DMD: variants seen among roughly 807,000 people sequenced by gnomAD.
DMD encodes mutant dystrophin.
In DMD, 63 loss-of-function variants were observed where a neutral mutation model predicts 330.1. The observed-to-expected ratio is 0.19, with a 90% CI of 0.16 to 0.24. The LOEUF is 0.24. DMD is among the 10% of genes least tolerant of loss of function. DMD has a pLI of 1.00. For missense variants in DMD, 3,344 were observed against 2,684.1 expected (o/e 1.25, Z -5.43); for synonymous variants, 1,223 against 959.8 (o/e 1.27, Z -5.07).
intron 61 of DMD, among the ~76,000 whole-genome samples, chrX:31,341,500 T>C (rs1258681391): frequency 1.8e-5 from 2 of 112,259 alleles, no homozygotes; most frequent in African/African-American, 6.5e-5. Flanking sequence ...CGATACCATT[T>C]TGATAAGGCA....
chrX:31,802,497 T>A (rs1175071534), intron 50 of DMD, among the ~76,000 whole-genome samples: 1 of 111,501 alleles, frequency 9.0e-6, no homozygotes, highest in Non-Finnish European at 1.9e-5. Context: ...TACAGGGGTA[T>A]GCAGGATAAA....
intron 51 of DMD, among the ~76,000 whole-genome samples, chrX:31,752,525 C>G (rs1476225241): frequency 9.0e-6 from 1 of 110,804 alleles, no homozygotes; most frequent in Non-Finnish European, 1.9e-5. Context: ...CTCTTTCACC[C>G]TGTAACCAAA....
chrX:33,171,487 T>C (rs913815106), intron 1 of DMD, among the ~76,000 whole-genome samples: 1 of 111,512 alleles, frequency 9.0e-6, no homozygotes, highest in Non-Finnish European at 1.9e-5. Flanking sequence ...CTATTTCTTT[T>C]ACAGTTTTTT....
chrX:33,065,667 G>A (rs189997561), intron 1 of DMD, among the ~76,000 whole-genome samples: 1 of 112,277 alleles, frequency 8.9e-6, no homozygotes, highest in East Asian at 2.8e-4. Flanking sequence ...AGCAAATGCT[G>A]GAAGCCCATT....
chrX:33,111,590 C>A (rs1271327825), intron 1 of DMD, among the ~76,000 whole-genome samples: 1 of 111,608 alleles, frequency 9.0e-6, no homozygotes, highest in African/African-American at 3.2e-5. Flanking sequence ...CATAATTTCT[C>A]TTAATGTGCG....
chrX:32,125,422 T>TATC (rs1202082379), intron 44 of DMD, among the ~76,000 whole-genome samples: 1 of 111,629 alleles, frequency 9.0e-6, no homozygotes, highest in African/African-American at 3.3e-5. Context: ...CCTGGATGTG[T>TATC]ATCGGGTTTG....
intron 17 of DMD, among the ~76,000 whole-genome samples, chrX:32,539,100 C>T (rs2048256711): frequency 9.1e-6 from 1 of 110,390 alleles, no homozygotes; most frequent in Admixed American, 9.7e-5. Flanking sequence ...CATAAGACAA[C>T]ATAATCTCAA....
chrX:31,593,819 ATAT>A (rs942078388), intron 55 of DMD, among the ~76,000 whole-genome samples: 12 of 110,809 alleles, frequency 1.1e-4, no homozygotes, highest in African/African-American at 3.9e-4. Context: ...TATATAATGA[ATAT>A]TATTGTAAAG....
chrX:31,128,421 A>G (rs947738531), intron 77 of DMD, among the ~76,000 whole-genome samples: 1 of 111,874 alleles, frequency 8.9e-6, no homozygotes, highest in Middle Eastern at 4.2e-3. Context: ...TCACTGGCAC[A>G]CTTTAGTTTG....
chrX:31,380,968 G>C (rs1437940491), intron 60 of DMD, among the ~76,000 whole-genome samples: 2 of 110,946 alleles, frequency 1.8e-5, no homozygotes, highest in Non-Finnish European at 3.8e-5. Flanking sequence ...TGCTCTCCCT[G>C]CTGATCATGT....
At chrX:33,001,900 A>G (rs967072535) in intron 2 of DMD, among the ~76,000 whole-genome samples, 5 of 111,142 alleles carry the variant, frequency 4.5e-5, no homozygotes, top group African/African-American at 1.6e-4. Flanking sequence ...CTCTTTTAAA[A>G]TCTCTACTTT....
chrX:32,395,256 C>T (rs1370085273), intron 30 of DMD, among the ~76,000 whole-genome samples: 1 of 111,767 alleles, frequency 8.9e-6, no homozygotes, highest in Non-Finnish European at 1.9e-5. Flanking sequence ...TTCAACAAAT[C>T]GTTCAGCTTC....
At chrX:31,220,771 A>C (rs984766314) in intron 64 of DMD, among the ~76,000 whole-genome samples, 3 of 110,265 alleles carry the variant, frequency 2.7e-5, no homozygotes, top group Non-Finnish European at 5.7e-5. Context: ...CAAGCACCTA[A>C]GTGTCTTCCT....
At chrX:32,552,405 C>T (rs1387173778) in intron 16 of DMD, among the ~76,000 whole-genome samples, 2 of 111,594 alleles carry the variant, frequency 1.8e-5, no homozygotes, top group African/African-American at 3.3e-5. Context: ...TTCCTTACAC[C>T]ATATACAAAA....
chrX:31,735,970 C>T (rs898608475), intron 51 of DMD, among the ~76,000 whole-genome samples: 6 of 111,759 alleles, frequency 5.4e-5, no homozygotes, highest in Non-Finnish European at 1.1e-4. Flanking sequence ...TACTTGGTTT[C>T]ATGCTCTACT....
chrX:31,614,852 G>A (rs2078112724), intron 55 of DMD, among the ~76,000 whole-genome samples: 1 of 112,080 alleles, frequency 8.9e-6, no homozygotes. Flanking sequence ...AAAATCACAT[G>A]CTGATAACCT....
rs956810848 is a variant in DMD at position 31,245,330 on chromosome X, T to G, written c.9286+15625A>C. ...CCTCATCTGTATCTTTCCATCTTCT[T>G]GAGTGGTATTTGTTTTCCTCCCGAG... On this transcript the variant is annotated intron_variant, in intron 63 of 78. Coordinates refer to ENST00000357033, the MANE Select transcript of DMD (RefSeq NM_004006.3). Among the ~76,000 whole-genome samples the G allele has an allele frequency of 6.8e-4, 76 of 111,996 alleles. 1 individual carries two copies. Among genetic ancestry groups the G allele is most frequent in the African/African-American group, 2.4e-3 (74 of 30,884 alleles).
At chrX:32,304,592 A>C (rs1462659916) in intron 42 of DMD, among the ~76,000 whole-genome samples, 1 of 111,592 alleles carries the variant, frequency 9.0e-6, no homozygotes, top group Non-Finnish European at 1.9e-5. Context: ...TATAATACAA[A>C]TGAAAAATAA....
intron 7 of DMD, among the ~76,000 whole-genome samples, chrX:32,746,916 T>C (rs1307797035): frequency 9.0e-6 from 1 of 111,720 alleles, no homozygotes; most frequent in Non-Finnish European, 1.9e-5. Context: ...CCTGCTTCTA[T>C]GAAATCAAAC....
Sources: gnomAD v4.1 joint callset for allele counts (sites outside exome capture counted in the v4.1 genomes callset) on GRCh38, gnomAD v4.1.1 for gene constraint, MANE v1.5 for transcripts, NCBI Gene and HGNC (gene_info 2026-07-23, HGNC 2026-07-21) for gene names.